PPIH: variants seen among roughly 807,000 people sequenced by gnomAD.
PPIH encodes peptidyl-prolyl cis-trans isomerase H.
A neutral mutation model predicts 27.6 loss-of-function variants in PPIH; 16 were observed. The observed-to-expected ratio is 0.58, with a 90% CI of 0.39 to 0.88. PPIH has a LOEUF of 0.88. Ranked by LOEUF, PPIH falls within the 40% of genes least tolerant of loss-of-function variation. The probability of loss-of-function intolerance (pLI) is 0.00; values close to 1 mark genes in which losing one functional copy is unlikely to be tolerated. For missense variants in PPIH, 155 were observed against 224.1 expected, an observed-to-expected ratio of 0.69 and a Z score of 1.97; for synonymous variants, 63 against 76.1, an observed-to-expected ratio of 0.83 and a Z score of 0.90.
rs1649317619 is a variant in PPIH at position 42,666,063 on chromosome 1, G to A, written c.420G>A (p.Val140=). 6.2e-7 allele frequency: 1 copy of A among 1,613,840 alleles called. No individual in the cohort carries two copies. The highest frequency in any genetic ancestry group is 8.5e-7 in the Non-Finnish European group (1 of 1,179,840). ...ATTGGCTGGATGGGAAGCATGTGGT[G>A]TTTGGTAAGTCCTACTCCTGTCTCA... The part of the protein sequence containing the change: ...KCDWLDGKHV[V]FGKIIDGLLV... Residue 140 remains valine (V), a synonymous_variant, in exon 7 of 10, where the codon GTG becomes GTA. Coordinates refer to ENST00000304979, the MANE Select transcript of PPIH (RefSeq NM_006347.4).
At chr1:42,658,626 C>A (rs1570373244) in intron 1 of PPIH, 114 bp downstream of exon 1, 1 of 1,283,806 alleles carries the variant, frequency 7.8e-7, no homozygotes, top group Non-Finnish European at 1.1e-6. Context: ...AGTGAAATTG[C>A]ACCCGAACCT....
Position 42,659,580 on chromosome 1 carries a change from C to G in PPIH, c.200+14C>G, listed in dbSNP as rs571923780. On this transcript the variant is annotated intron_variant, in intron 4 of 9. Coordinates refer to ENST00000304979, the MANE Select transcript of PPIH (RefSeq NM_006347.4). Reference sequence around the variant, plus strand: ...CACCTTCCACAGGTAAGGCTCTTGGCAAGCCATCCTGGAGTCTTTCAGAAA... The same window carrying G: ...CACCTTCCACAGGTAAGGCTCTTGGGAAGCCATCCTGGAGTCTTTCAGAAA... The G allele has an allele frequency of 2.5e-6, 4 of 1,611,388 alleles. No homozygotes were observed. The highest frequency in any genetic ancestry group is 3.4e-6 in the Non-Finnish European group (4 of 1,179,416).
At position 42,673,140 on chromosome 1, in the gene PPIH, G is replaced by A. The variant is rs118075715; in HGVS notation, c.*22-3444G>A. The stretch of plus-strand genomic sequence containing the variant: ...CTCCTTAGTAGGTGGGATTATAGGC[G>A]TGCAGCACCACACCCAGCTAACTTT... On this transcript the variant is annotated intron_variant, in intron 9 of 9. Coordinates refer to ENST00000304979, the MANE Select transcript of PPIH (RefSeq NM_006347.4). Among the ~76,000 whole-genome samples, 151 of 152,000 alleles carry A rather than the reference G, an allele frequency of 9.9e-4. 2 individuals carry two copies. The East Asian group carries it at 0.01, about 10-fold the overall frequency.
At chr1:42,680,030 G>A (rs1649981402), downstream of PPIH, among the ~76,000 whole-genome samples, 1 of 152,220 alleles carries the variant, frequency 6.6e-6, no homozygotes, top group Non-Finnish European at 1.5e-5. Context: ...GTCACAGTCT[G>A]GTGGGGAACA....
At position 42,658,437 on chromosome 1, in the gene PPIH, G is replaced by T. The variant is rs1648771615; in HGVS notation, c.-10G>T. 1 of 1,613,366 alleles carries T rather than the reference G, an allele frequency of 6.2e-7. No homozygotes were observed. Among genetic ancestry groups the T allele is most frequent in the South Asian group, 1.1e-5 (1 of 91,068 alleles). On this transcript the variant is annotated 5_prime_UTR_variant, in exon 1 of 10. Transcript: ENST00000304979. The stretch of plus-strand genomic sequence containing the variant: ...CCCACGCTCCCGACTTCTGCTTCCG[G>T]GTCGGAGCCATGGCGGTGGCAAATT...
chr1:42,681,065 C>T (rs1650005389), downstream of PPIH: 1 of 152,194 alleles, frequency 6.6e-6, no homozygotes, highest in African/African-American at 2.4e-5. Context: ...CTGCATTAGC[C>T]TCCTAACTGC....
chr1:42,662,069 G>C (rs1045326880), intron 5 of PPIH, among the ~76,000 whole-genome samples: 1 of 152,172 alleles, frequency 6.6e-6, no homozygotes, highest in Non-Finnish European at 1.5e-5. Flanking sequence ...AATGGTAGTA[G>C]GGTTTGTTAG....
intron 6 of PPIH, among the ~76,000 whole-genome samples, chr1:42,665,334 C>T (rs574618101): frequency 2.0e-5 from 3 of 152,056 alleles, no homozygotes; most frequent in Admixed American, 6.5e-5. Flanking sequence ...GAACCCAGGA[C>T]GGGGAAGTTG....
chr1:42,664,340 T>G (rs1160515498), intron 5 of PPIH, among the ~76,000 whole-genome samples: 1 of 152,204 alleles, frequency 6.6e-6, no homozygotes, highest in East Asian at 1.9e-4. Context: ...CACCTCCAGA[T>G]TCCCAGAGAA....
chr1:42,658,430 G>C lies in PPIH; in HGVS notation c.-17G>C. On this transcript the variant is annotated 5_prime_UTR_variant, in exon 1 of 10. Coordinates refer to ENST00000304979, the MANE Select transcript of PPIH (RefSeq NM_006347.4). ...CCGGAATCCCACGCTCCCGACTTCT[G>C]CTTCCGGGTCGGAGCCATGGCGGTG... 6.2e-7 allele frequency: 1 copy of C among 1,612,222 alleles called. No individual in the cohort carries two copies. Among genetic ancestry groups the C allele is most frequent in the South Asian group, 1.1e-5 (1 of 91,032 alleles).
At chr1:42,662,400 T>G (rs762844297) in intron 5 of PPIH, among the ~76,000 whole-genome samples, 1 of 152,144 alleles carries the variant, frequency 6.6e-6, no homozygotes, top group Non-Finnish European at 1.5e-5. Flanking sequence ...TATTTTTTAT[T>G]TTTTTATTTT....
At chr1:42,680,052 C>A (rs1024334029), downstream of PPIH, among the ~76,000 whole-genome samples, 10 of 152,292 alleles carry the variant, frequency 6.6e-5, no homozygotes, top group Middle Eastern at 3.4e-3. Context: ...TTAATTAGAG[C>A]AATACAGTGT....
At chr1:42,659,184 G>A (rs1242676960) in intron 2 of PPIH, 44 bp from the exon 3 acceptor site, 5 of 1,612,656 alleles carry the variant, frequency 3.1e-6, no homozygotes, top group Non-Finnish European at 8.5e-7. Flanking sequence ...GCTCACGACT[G>A]TGACATCATA....
intron 9 of PPIH, among the ~76,000 whole-genome samples, chr1:42,672,428 C>T (rs1233961711): frequency 1.3e-5 from 2 of 150,216 alleles, no homozygotes; most frequent in Non-Finnish European, 3.0e-5. Context: ...GGCACTAGTC[C>T]AGCAGGAATC....
downstream of PPIH, among the ~76,000 whole-genome samples, chr1:42,679,456 C>G (rs1459770584): frequency 6.6e-6 from 1 of 152,246 alleles, no homozygotes; most frequent in East Asian, 1.9e-4. Context: ...TCCCAAAGTG[C>G]TGAGGCATGA....
chr1:42,662,856 C>G (rs576539454), intron 5 of PPIH, among the ~76,000 whole-genome samples: 22 of 152,172 alleles, frequency 1.4e-4, no homozygotes, highest in Non-Finnish European at 2.9e-4. Flanking sequence ...TTTTAACAGA[C>G]TTAAAATAAT....
chr1:42,667,474 C>A, intron 9 of PPIH, 34 bp downstream of exon 9: 1 of 1,507,508 alleles, frequency 6.6e-7, no homozygotes, highest in South Asian at 1.1e-5. Flanking sequence ...GGTTAGGAAT[C>A]AGACCTCAGA....
chr1:42,678,442 C>G (rs539810406), downstream of PPIH, among the ~76,000 whole-genome samples: 1 of 152,308 alleles, frequency 6.6e-6, no homozygotes, highest in East Asian at 1.9e-4. Flanking sequence ...CTCTGTCGCC[C>G]AGGCTGCAGT....
intron 9 of PPIH, among the ~76,000 whole-genome samples, chr1:42,669,173 G>A (rs1037479154): frequency 3.5e-5 from 5 of 144,630 alleles, no homozygotes; most frequent in African/African-American, 5.2e-5. Flanking sequence ...TCACACCACT[G>A]TACTCCAGCC....
Sources: gnomAD v4.1 joint callset for allele counts (sites outside exome capture counted in the v4.1 genomes callset) on GRCh38, gnomAD v4.1.1 for gene constraint, MANE v1.5 for transcripts, NCBI Gene and HGNC (gene_info 2026-07-23, HGNC 2026-07-21) for gene names.